Variants in FBXO40 observed in about 807,000 individuals in gnomAD.
The protein encoded by FBXO40 is F-box protein 40.
In FBXO40, 50 loss-of-function variants were observed where a neutral mutation model predicts 49.9. The observed-to-expected ratio is 1.00, with a 90% CI of 0.80 to 1.27. The LOEUF (loss-of-function observed/expected upper bound fraction) is 1.27. Among genes scored for constraint, FBXO40 ranks in the 50% most tolerant of loss-of-function variants. The pLI is 0.00. For missense variants in FBXO40, 895 were observed against 870.1 expected (o/e 1.03, Z -0.36); for synonymous variants, 340 against 320.2 (o/e 1.06, Z -0.66).
chr3:121,622,639 T>TTG lies in FBXO40; in HGVS notation c.1211_1212dup (p.Glu405TrpfsTer44). The TTG allele has an allele frequency of 6.2e-7, 1 of 1,614,176 alleles. No homozygotes were observed. Among genetic ancestry groups the TTG allele is most frequent in the Non-Finnish European group, 8.5e-7 (1 of 1,180,034 alleles). On this transcript the variant is annotated frameshift_variant, in exon 3 of 4. Transcript: ENST00000338040. LOFTEE classifies it high-confidence loss of function. ...CATCAAGACCACCCTCCAGTGTGCT[T>TTG]TGGAAAGAGAACTCAAAGGCCACGT... is the stretch of plus-strand genomic sequence containing the variant.
intron 1 of FBXO40, among the ~76,000 whole-genome samples, chr3:121,611,428 A>C (rs755722779): frequency 1.6e-4 from 25 of 152,218 alleles, no homozygotes; most frequent in Non-Finnish European, 3.1e-4. Flanking sequence ...CTGGATGTGC[A>C]CGTAGGCCAG....
At chr3:121,597,979 G>C (rs1349002063) in intron 1 of FBXO40, among the ~76,000 whole-genome samples, 1 of 152,082 alleles carries the variant, frequency 6.6e-6, no homozygotes, top group African/African-American at 2.4e-5. Context: ...TCCTACTTTT[G>C]AATTAATAAA....
At chr3:121,601,745 C>T (rs541016319) in intron 1 of FBXO40, among the ~76,000 whole-genome samples, 3 of 152,360 alleles carry the variant, frequency 2.0e-5, no homozygotes, top group South Asian at 4.1e-4. Flanking sequence ...TTTCCTGGAG[C>T]TGGTAGCTTT....
intron 1 of FBXO40, among the ~76,000 whole-genome samples, chr3:121,617,500 C>T (rs964358768): frequency 1.3e-5 from 2 of 152,084 alleles, no homozygotes; most frequent in African/African-American, 4.8e-5. Flanking sequence ...GAGGCTGAGG[C>T]AGGAGAATCG....
At position 121,622,557 on chromosome 3, in the gene FBXO40, G is replaced by C. The variant is rs761134888; in HGVS notation, c.1128G>C (p.Lys376Asn). 327 of 1,614,054 alleles carry C rather than the reference G, an allele frequency of 2.0e-4. No individual in the cohort carries two copies. Among genetic ancestry groups the C allele is most frequent in the Non-Finnish European group, 2.6e-4 (310 of 1,180,038 alleles). The change falls in exon 3 of 4, where the codon AAG becomes AAC. Residue 376 changes from lysine to asparagine, a missense_variant. Coordinates refer to ENST00000338040, the MANE Select transcript of FBXO40 (RefSeq NM_016298.4). ...AMLSCKPSEHKAVDTSDLGIT... is the reference protein window; with the variant it reads ...AMLSCKPSEHNAVDTSDLGIT... ...TGAGTTGTAAGCCAAGTGAACACAA[G>C]GCAGTGGATACTTCAGATTTGGGGA...
At chr3:121,611,766 A>G (rs2108847736) in intron 1 of FBXO40, among the ~76,000 whole-genome samples, 1 of 152,228 alleles carries the variant, frequency 6.6e-6, no homozygotes, top group East Asian at 1.9e-4. Flanking sequence ...CCCCGCTTTC[A>G]AGGGCAGAGG....
chr3:121,614,582 T>C (rs2048987012), intron 1 of FBXO40, among the ~76,000 whole-genome samples: 1 of 152,062 alleles, frequency 6.6e-6, no homozygotes. Context: ...AAGCACAAGG[T>C]GGATTACTCC....
intron 1 of FBXO40, among the ~76,000 whole-genome samples, chr3:121,619,166 AT>A (rs961543212): frequency 4.2e-5 from 6 of 142,092 alleles, no homozygotes; most frequent in African/African-American, 1.5e-4. Context: ...TGCCCCGCTA[AT>A]TTTTTAACTG....
At chr3:121,610,406 A>T (rs929056203) in intron 1 of FBXO40, among the ~76,000 whole-genome samples, 2 of 152,132 alleles carry the variant, frequency 1.3e-5, no homozygotes, top group African/African-American at 2.4e-5. Flanking sequence ...AGCAGACTGG[A>T]TTATGAAATG....
chr3:121,612,104 T>C (rs916893790), intron 1 of FBXO40, among the ~76,000 whole-genome samples: 1 of 152,018 alleles, frequency 6.6e-6, no homozygotes, highest in Admixed American at 6.6e-5. Context: ...TTCCCTACAA[T>C]ATGTCAATGT....
Position 121,621,733 on chromosome 3 carries a change from T to G in FBXO40, c.304T>G (p.Trp102Gly). 8 of 1,614,232 alleles carry G rather than the reference T, an allele frequency of 5.0e-6. No homozygotes were observed. The highest frequency in any genetic ancestry group is 1.3e-5 in the African/African-American group (1 of 75,056). ...CTGCTGCTCCATGGAGTGGAACCGC[T>G]GGCCAAATGTGGACTCTGAAACCAC... is the stretch of plus-strand genomic sequence containing the variant. ...VVCCSMEWNR[W>G]PNVDSETTLH... is the part of the protein sequence containing the mutation. The change falls in exon 3 of 4, where the codon TGG becomes GGG. Residue 102 changes from tryptophan to glycine, a missense_variant. Coordinates refer to ENST00000338040, the MANE Select transcript of FBXO40 (RefSeq NM_016298.4).
In FBXO40 at chr3:121,622,586, C is replaced by A. The variant is rs762374838; in HGVS notation, c.1157C>A (p.Thr386Asn). 48 of 1,614,100 alleles carry A rather than the reference C, an allele frequency of 3.0e-5. No individual in the cohort carries two copies. Among genetic ancestry groups the A allele is most frequent in the Non-Finnish European group, 3.8e-5 (45 of 1,180,044 alleles). ...KAVDTSDLGI[T>N]VEDLPKSDLI... ...GTGGATACTTCAGATTTGGGGATCA[C>A]TGTGGAGGACCTGCCCAAATCAGAT... Residue 386 changes from threonine (T) to asparagine (N), a missense_variant, in exon 3 of 4, where the codon ACT becomes AAT. By Grantham distance (65) the Thr-to-Asn change is moderately conservative. Transcript: ENST00000338040.
chr3:121,623,397 T>A, intron 3 of FBXO40, 54 bp downstream of exon 3: 1 of 1,473,414 alleles, frequency 6.8e-7, no homozygotes, highest in Non-Finnish European at 9.3e-7. Flanking sequence ...TTGTTTCATT[T>A]TTTATAGACA....
intron 1 of FBXO40, among the ~76,000 whole-genome samples, chr3:121,620,320 T>A (rs11923745): frequency 0.24 from 37,109 of 152,072 alleles, 5,033 homozygotes; most frequent in African/African-American, 0.37. Flanking sequence ...TGGGCCAGCA[T>A]GGCCTGGATT....
rs34194992 is a variant in FBXO40 at position 121,615,562 on chromosome 3, T to TA, written c.-30-4968dup. The stretch of plus-strand genomic sequence containing the variant: ...AGAGCAACAGAGTGAGACTGTGTCT[T>TA]AAAAAAAAAAAAAAAAGAAGAAGAA... On this transcript the variant is annotated intron_variant, in intron 1 of 3. Transcript: ENST00000338040. Among the ~76,000 whole-genome samples the TA allele has an allele frequency of 2.3e-3, 294 of 128,958 alleles. 3 individuals are homozygous for TA. Among genetic ancestry groups the TA allele is most frequent in the African/African-American group, 6.0e-3 (193 of 32,226 alleles). 84.6% of individuals were successfully genotyped at this position (128,958 alleles called of 152,430 possible).
Position 121,622,264 on chromosome 3 carries a change from C to A in FBXO40, c.835C>A (p.Arg279Ser). The change falls in exon 3 of 4, where the codon CGT becomes AGT. Residue 279 changes from arginine to serine, a missense_variant. Physicochemically the swap from Arg to Ser is moderately radical, Grantham distance 110. Transcript: ENST00000338040. Reference protein sequence around the residue: ...PQENQKQQDVRTAMETTGLAP... With the variant: ...PQENQKQQDVSTAMETTGLAP... ...GGAAAATCAGAAGCAGCAGGACGTT[C>A]GTACAGCCATGGAAACCACAGGGCT... 6.2e-7 allele frequency: 1 copy of A among 1,614,176 alleles called. No homozygotes were observed. Among genetic ancestry groups the A allele is most frequent in the South Asian group, 1.1e-5 (1 of 91,054 alleles).
At position 121,629,404 on chromosome 3, in the gene FBXO40, C is replaced by T. The variant is rs1489862237; in HGVS notation, c.*2494C>T. On this transcript the variant is annotated 3_prime_UTR_variant, in exon 4 of 4. Coordinates refer to ENST00000338040, the MANE Select transcript of FBXO40 (RefSeq NM_016298.4). ...GAGAGTTGTCCAGGTGGTAGTTCGA[C>T]GTGTTTTGAATCTAGTCCTTCCTAC... 6.6e-6 allele frequency: 1 copy of T among 152,114 alleles called. No homozygotes were observed. The highest frequency in any genetic ancestry group is 2.4e-5 in the African/African-American group (1 of 41,404). The allele number at this position is 152,114 out of a possible 1,614,324, so 9.4% of individuals were successfully genotyped here.
intron 1 of FBXO40, among the ~76,000 whole-genome samples, chr3:121,601,825 A>T (rs2048902643): frequency 6.6e-6 from 1 of 152,224 alleles, no homozygotes; most frequent in Non-Finnish European, 1.5e-5. Context: ...GGGGACTCTG[A>T]ATTATCCAGA....
chr3:121,609,807 TC>T (rs1470224623), intron 1 of FBXO40, among the ~76,000 whole-genome samples: 1 of 152,226 alleles, frequency 6.6e-6, no homozygotes, highest in African/African-American at 2.4e-5. Flanking sequence ...AAGTGGCATT[TC>T]TGGGCTTGCC....
Sources: gnomAD v4.1 joint callset for allele counts (sites outside exome capture counted in the v4.1 genomes callset) on GRCh38, gnomAD v4.1.1 for gene constraint, MANE v1.5 for transcripts, NCBI Gene and HGNC (gene_info 2026-07-23, HGNC 2026-07-21) for gene names.